The following HIVEP3 variants were observed in gnomAD, a reference collection of about 807,000 sequenced individuals.
The protein encoded by HIVEP3 is transcription factor HIVEP3.
In HIVEP3, 49 loss-of-function variants were observed where a neutral mutation model predicts 152.8. The observed-to-expected ratio is 0.32, with a 90% CI of 0.26 to 0.41. The LOEUF (loss-of-function observed/expected upper bound fraction) is 0.41. Ranked by LOEUF, HIVEP3 falls within the 10% of genes least tolerant of loss-of-function variation. HIVEP3 has a pLI of 1.00. For synonymous variants in HIVEP3, 1,269 were observed against 1,289.0 expected (o/e 0.98, Z 0.33); for missense variants, 2,790 against 3,103.3 (o/e 0.90, Z 2.40).
intron 1 of HIVEP3, among the ~76,000 whole-genome samples, chr1:41,776,699 G>A (rs1648725454): frequency 6.6e-6 from 1 of 152,252 alleles, no homozygotes. Context: ...TTTCAGCAAA[G>A]AAGGTGTTTC....
At chr1:41,824,911 T>C (rs921368115) in intron 1 of HIVEP3, among the ~76,000 whole-genome samples, 8 of 151,380 alleles carry the variant, frequency 5.3e-5, no homozygotes, top group African/African-American at 1.9e-4. Flanking sequence ...TTTGCTCTTG[T>C]TGCACAGGCT....
chr1:41,670,561 G>C (rs1051379177), intron 2 of HIVEP3, among the ~76,000 whole-genome samples: 1 of 152,198 alleles, frequency 6.6e-6, no homozygotes, highest in East Asian at 1.9e-4. Context: ...GAAAGAGACA[G>C]ACAGTAAACA....
intron 1 of HIVEP3, among the ~76,000 whole-genome samples, chr1:41,973,702 A>G (rs1271157701): frequency 6.6e-6 from 1 of 152,232 alleles, no homozygotes; most frequent in Non-Finnish European, 1.5e-5. Flanking sequence ...AAGGAATGAT[A>G]GGAGTCAGAG....
In HIVEP3 at chr1:41,998,887, C is replaced by T. The variant is rs61773873; in HGVS notation, n.119+36920G>A. On this transcript the variant is annotated intron_variant and non_coding_transcript_variant, in intron 1 of 3. Coordinates refer to the HIVEP3 transcript ENST00000489103. ...GCTGGTTTTTAATACTTTTCTCTCT[C>T]TCTTTTTTTTTTTTTTTTTTTTTTT... is the stretch of plus-strand genomic sequence containing the variant. Among the ~76,000 whole-genome samples the T allele has an allele frequency of 1.7e-4, 13 of 77,310 alleles. No homozygotes were observed. In the East Asian group the frequency reaches 1.9e-3, roughly 11 times the overall value. The allele number at this position is 77,310 out of a possible 152,430, so 50.7% of individuals were successfully genotyped here. A position where few individuals can be genotyped will look rare whatever the true frequency, so the allele number is the denominator to read the frequency against.
chr1:41,628,710 G>T (rs1332316062), intron 3 of HIVEP3, 39 bp downstream of exon 3: 7 of 1,215,434 alleles, frequency 5.8e-6, no homozygotes, highest in South Asian at 8.3e-5. Context: ...CCAACATGGC[G>T]CCTGGCAAGC....
intron 3 of HIVEP3, among the ~76,000 whole-genome samples, chr1:41,594,913 G>T (rs752027549): frequency 1.3e-5 from 2 of 152,088 alleles, no homozygotes; most frequent in Non-Finnish European, 2.9e-5. Flanking sequence ...TGTGTGTAAG[G>T]AGTGAGGTAA....
At chr1:42,010,047 A>G (rs1218320583) in intron 1 of HIVEP3, among the ~76,000 whole-genome samples, 2 of 151,998 alleles carry the variant, frequency 1.3e-5, no homozygotes, top group African/African-American at 4.8e-5. Flanking sequence ...GGCACATACC[A>G]CCATGCCTGG....
intron 1 of HIVEP3, among the ~76,000 whole-genome samples, chr1:41,747,779 T>C (rs1647095534): frequency 6.6e-6 from 1 of 152,248 alleles, no homozygotes; most frequent in Non-Finnish European, 1.5e-5. Flanking sequence ...TCAACCTTAC[T>C]GATAGACTAT....
In HIVEP3 at chr1:41,513,200, G is replaced by T; in HGVS notation, c.6021C>A (p.Ala2007=). The part of the protein sequence containing the change: ...CSPAREPQAS[A]PSPPGLHVDP... ...CCACGTGCAGGCCAGGTGGGCTTGG[G>T]GCTGAGGCCTGTGGTTCTCGGGCCG... The change falls in exon 8 of 9, where the codon GCC becomes GCA. Residue 2007 remains alanine (A), a synonymous_variant. Coordinates refer to ENST00000372583, the MANE Select transcript of HIVEP3 (RefSeq NM_024503.5). The T allele has an allele frequency of 6.2e-7, 1 of 1,613,876 alleles. No homozygotes were observed. The highest frequency in any genetic ancestry group is 1.1e-5 in the South Asian group (1 of 91,084).
chr1:41,850,076 A>G (rs930928309), intron 1 of HIVEP3, among the ~76,000 whole-genome samples: 3 of 152,244 alleles, frequency 2.0e-5, no homozygotes, highest in Non-Finnish European at 4.4e-5. Context: ...CTTTGTTAAA[A>G]CACAGAGTTT....
chr1:41,718,495 G>A (rs1457197291), intron 1 of HIVEP3, among the ~76,000 whole-genome samples: 1 of 152,208 alleles, frequency 6.6e-6, no homozygotes, highest in African/African-American at 2.4e-5. Context: ...AATTATTAGT[G>A]AGACTTCAAT....
intron 3 of HIVEP3, among the ~76,000 whole-genome samples, chr1:41,590,152 C>T (rs971982557): frequency 1.3e-5 from 2 of 152,128 alleles, no homozygotes; most frequent in African/African-American, 4.8e-5. Flanking sequence ...GCAAAACAAG[C>T]CAGATATAAG....
intron 1 of HIVEP3, among the ~76,000 whole-genome samples, chr1:41,926,385 G>A (rs1421957657): frequency 6.6e-6 from 1 of 152,096 alleles, no homozygotes; most frequent in Non-Finnish European, 1.5e-5. Flanking sequence ...CCTGACATCT[G>A]GGATCTAATT....
In HIVEP3 at chr1:41,644,974, A is replaced by T. The variant is rs147513121; in HGVS notation, c.-720-16027T>A. 1.1e-3 allele frequency among the ~76,000 whole-genome samples: 163 copies of T among 152,204 alleles called. 1 individual carries two copies. Among genetic ancestry groups the T allele is most frequent in the African/African-American group, 3.6e-3 (150 of 41,544 alleles). ...TACAAGCTTTCTTCATGCATGCAGA[A>T]ACACTCTGACGCATGGGTACCCAAA... On this transcript the variant is annotated intron_variant, in intron 2 of 8. Transcript: ENST00000372583.
chr1:41,584,749 G>A lies in HIVEP3; in HGVS notation c.49C>T (p.Pro17Ser), dbSNP rs1238144868. The change falls in exon 4 of 9, where the codon CCC (proline) becomes TCC (serine). Residue 17 changes from proline to serine, a missense_variant. Pro to Ser is a moderately conservative substitution (Grantham distance 74). Transcript: ENST00000372583. This position sits in a 1 kb window ranked among gnomAD's most constrained non-coding sequence, Gnocchi z 5.2. ...TCTCCTTTGGTCAGCCGCTTCCGGG[G>A]ACTTCCCTCAGCCTTCTTGGTGCCC... ...VKGTKKAEGS[P>S]RKRLTKGEAI... 2 of 1,520,824 alleles carry A rather than the reference G, an allele frequency of 1.3e-6. No individual in the cohort carries two copies. The highest frequency in any genetic ancestry group is 2.3e-5 in the East Asian group (1 of 44,088). 94.2% of individuals were successfully genotyped at this position (1,520,824 alleles called of 1,614,324 possible). A position where few individuals can be genotyped will look rare whatever the true frequency, so the allele number is the denominator to read the frequency against.
intron 2 of HIVEP3, among the ~76,000 whole-genome samples, chr1:41,676,917 G>A (rs1438799441): frequency 6.6e-6 from 1 of 152,236 alleles, no homozygotes; most frequent in Non-Finnish European, 1.5e-5. Flanking sequence ...GGAGTCACCA[G>A]CTGGGATGGT....
chr1:41,894,439 A>G (rs1644497700), intron 1 of HIVEP3, among the ~76,000 whole-genome samples: 1 of 152,206 alleles, frequency 6.6e-6, no homozygotes, highest in African/African-American at 2.4e-5. Flanking sequence ...AGTCTCTCCT[A>G]TCAAGGTGTG....
rs1644488374 is a variant in HIVEP3, at chr1:41,585,346, A to AAGTACACACACACAG, written c.-521-29_-521-28insCTGTGTGTGTGTACT. On this transcript the variant is annotated intron_variant, in intron 3 of 8. Transcript: ENST00000372583. Reference sequence around the variant, plus strand: ...GTGTGATAGATGTACACACACACAGAAATACACACACACAAAAGAGAAGAC... The same window carrying AAGTACACACACACAG: ...GTGTGATAGATGTACACACACACAGAAGTACACACACACAGAATACACACACACAAAAGAGAAGAC... 22 of 399,000 alleles carry AAGTACACACACACAG rather than the reference A, an allele frequency of 5.5e-5. No individual in the cohort carries two copies. In the South Asian group the frequency reaches 2.0e-3, roughly 37 times the overall value. 24.7% of individuals were successfully genotyped at this position (399,000 alleles called of 1,614,324 possible). A position where few individuals can be genotyped will look rare whatever the true frequency, so the allele number is the denominator to read the frequency against.
intron 1 of HIVEP3, among the ~76,000 whole-genome samples, chr1:41,925,537 G>A (rs1644963703): frequency 6.6e-6 from 1 of 152,126 alleles, no homozygotes; most frequent in Non-Finnish European, 1.5e-5. Flanking sequence ...AGGAAGAAGA[G>A]GAAGAGTTGG....
Sources: allele counts gnomAD v4.1 joint callset (sites outside exome capture counted in the v4.1 genomes callset), GRCh38; gene constraint gnomAD v4.1.1; non-coding constraint Gnocchi (gnomAD v3.1); transcripts MANE v1.5; gene names NCBI Gene and HGNC (gene_info 2026-07-23, HGNC 2026-07-21).